Variants in TTLL9 observed in about 807,000 individuals in gnomAD.
The protein encoded by TTLL9 is probable tubulin polyglutamylase TTLL9.
A neutral mutation model predicts 65.6 loss-of-function variants in TTLL9; 47 were observed. The ratio of observed to expected loss-of-function variants is 0.72; its 90% confidence interval spans 0.57 to 0.91. The LOEUF is 0.91. TTLL9 is among the 40% of genes least tolerant of loss of function. The pLI, the probability that TTLL9 is intolerant of heterozygous loss-of-function variation, is 0.00. For missense variants in TTLL9, 537 were observed against 568.8 expected, an observed-to-expected ratio of 0.94 and a Z score of 0.57; for synonymous variants, 179 against 204.8, an observed-to-expected ratio of 0.87 and a Z score of 1.07.
chr20:31,888,860 G>A (rs990592643), intron 3 of TTLL9, among the ~76,000 whole-genome samples: 1 of 152,050 alleles, frequency 6.6e-6, no homozygotes, highest in Non-Finnish European at 1.5e-5. Flanking sequence ...TGAACTAAGT[G>A]AAAACTCACT....
intron 2 of TTLL9, among the ~76,000 whole-genome samples, chr20:31,874,546 G>C (rs2063010995): frequency 6.6e-6 from 1 of 151,946 alleles, no homozygotes; most frequent in Non-Finnish European, 1.5e-5. Context: ...AGAGCAGCTG[G>C]GACTACAGGT....
rs574288088 is a variant in TTLL9, at chr20:31,875,647, T to G, written c.69+4452T>G. ...TATTAGACTTGTTTAGATCCTACTATTATGCATTCAAAAAGAATGCTAAAC... is the reference window on the plus strand; with the variant it reads ...TATTAGACTTGTTTAGATCCTACTAGTATGCATTCAAAAAGAATGCTAAAC... On this transcript the variant is annotated intron_variant, in intron 2 of 14. Transcript: ENST00000535842. Among the ~76,000 whole-genome samples, 39 of 152,238 alleles carry G rather than the reference T, an allele frequency of 2.6e-4. 2 individuals carry two copies. Among genetic ancestry groups the G allele is most frequent in the Non-Finnish European group, 1.6e-4 (11 of 68,044 alleles).
chr20:31,937,444 G>T lies in TTLL9; in HGVS notation c.1053G>T (p.Gln351His). 14 of 1,613,888 alleles carry T rather than the reference G, an allele frequency of 8.7e-6. No homozygotes were observed. The highest frequency in any genetic ancestry group is 1.2e-5 in the Non-Finnish European group (14 of 1,179,890). ...NASPSLTASSQEDYELKTCLL... is the reference protein window; with the variant it reads ...NASPSLTASSHEDYELKTCLL... ...CCCCATCACTGACAGCCAGCAGCCAGGAAGACTATGAGCTCAAGACCTGCC... is the reference window on the plus strand; with the variant it reads ...CCCCATCACTGACAGCCAGCAGCCATGAAGACTATGAGCTCAAGACCTGCC... The change falls in exon 13 of 15, where the codon CAG (glutamine) becomes CAT (histidine). Residue 351 changes from glutamine (Q) to histidine (H), a missense_variant. Gln to His is a conservative substitution (Grantham distance 24, BLOSUM62 0). Around this residue, in one of 3 missense-constraint regions of TTLL9, gnomAD observed 205 missense variants for 225.9 expected, o/e 0.91. Transcript: ENST00000535842.
intron 3 of TTLL9, among the ~76,000 whole-genome samples, chr20:31,897,109 CCTT>C (rs2063398840): frequency 1.3e-5 from 2 of 152,156 alleles, no homozygotes; most frequent in African/African-American, 4.8e-5. Context: ...TGGTGTTAAT[CCTT>C]CTTCAAATAT....
In TTLL9 at chr20:31,894,494, A is replaced by G. The variant is rs2063354676; in HGVS notation, c.114-3979A>G. On this transcript the variant is annotated intron_variant, in intron 3 of 14. Transcript: ENST00000535842. ...ATAATAATTTTTAAATTTCTTCTCT[A>G]ATGATTCTGATAACTGGGTCATTTA... Among the ~76,000 whole-genome samples, 11 of 127,264 alleles carry G rather than the reference A, an allele frequency of 8.6e-5. No homozygotes were observed. In the South Asian group the frequency reaches 2.5e-3, roughly 29 times the overall value. The allele number at this position is 127,264 out of a possible 152,430, so 83.5% of individuals were successfully genotyped here.
Position 31,939,215 on chromosome 20 carries a change from G to A in TTLL9, c.1192G>A (p.Gly398Arg). 6.2e-7 allele frequency: 1 copy of A among 1,613,352 alleles called. No homozygotes were observed. Among genetic ancestry groups the A allele is most frequent in the Non-Finnish European group, 8.5e-7 (1 of 1,179,694 alleles). The stretch of plus-strand genomic sequence containing the variant: ...TGATGGCCCTGTTAGCAGAGAGGAG[G>A]GGGCTCCTGACCTGTCGGGAATGGG... ...WNDGPVSREE[G>R]APDLSGMGNF... The change falls in exon 14 of 15, where the codon GGG becomes AGG. Residue 398 changes from glycine (G) to arginine (R), a missense_variant. By Grantham distance (125) the Gly-to-Arg change is moderately radical. Transcript: ENST00000535842.
intron 8 of TTLL9, 60 bp downstream of exon 8, chr20:31,923,113 C>A: frequency 7.3e-7 from 1 of 1,361,366 alleles, no homozygotes; most frequent in Non-Finnish European, 1.1e-6. Context: ...AGTCAGTCAA[C>A]AAGCTTTGAC....
chr20:31,923,051 G>C lies in TTLL9; in HGVS notation c.662G>C (p.Gly221Ala). The stretch of plus-strand genomic sequence containing the variant: ...TACATTGAAAATCCTTACCTGATAG[G>C]AGGTGAGATGGCTGTGTCTGCTCCT... ...QRYIENPYLI[G>A]GRKFDLRVYV... The change falls in exon 8 of 15, where the codon GGA (glycine) becomes GCA (alanine). Residue 221 changes from glycine to alanine, a missense_variant and splice_region_variant. Gly to Ala is a moderately conservative substitution (Grantham distance 60). Transcript: ENST00000535842. The C allele has an allele frequency of 6.2e-7, 1 of 1,610,614 alleles. No homozygotes were observed. The highest frequency in any genetic ancestry group is 8.5e-7 in the Non-Finnish European group (1 of 1,176,836).
chr20:31,907,662 A>G (rs1159177345), intron 4 of TTLL9, among the ~76,000 whole-genome samples: 1 of 150,212 alleles, frequency 6.7e-6, no homozygotes, highest in Non-Finnish European at 1.5e-5. Context: ...AGGAGGTTGC[A>G]GTGAACTGAG....
intron 8 of TTLL9, among the ~76,000 whole-genome samples, chr20:31,923,669 C>G (rs1177377461): frequency 6.6e-6 from 1 of 152,162 alleles, no homozygotes; most frequent in African/African-American, 2.4e-5. Context: ...TTTCCCCAGG[C>G]GGGCCAACAT....
At position 31,943,723 on chromosome 20, in the gene TTLL9, T is replaced by C. The variant is rs1482533974; in HGVS notation, c.*702T>C. 4.4e-6 allele frequency: 2 copies of C among 456,514 alleles called. No individual in the cohort carries two copies. The highest frequency in any genetic ancestry group is 8.8e-6 in the Non-Finnish European group (2 of 226,970). 28.3% of individuals were successfully genotyped at this position (456,514 alleles called of 1,614,324 possible). ...AGCTTAGTGAGGGTCTCTGCAAAGG[T>C]GCATTTATCTAAGTCAGATGGGTGA... On this transcript the variant is annotated 3_prime_UTR_variant, in exon 15 of 15. Coordinates refer to ENST00000535842, the MANE Select transcript of TTLL9 (RefSeq NM_001008409.5).
chr20:31,876,134 A>C (rs571572743), intron 2 of TTLL9, among the ~76,000 whole-genome samples: 46 of 152,292 alleles, frequency 3.0e-4, no homozygotes, highest in African/African-American at 1.1e-3. Context: ...CATTCTTATC[A>C]CTGTATGGTA....
At chr20:31,914,824 T>C (rs929441586) in intron 6 of TTLL9, among the ~76,000 whole-genome samples, 1 of 152,194 alleles carries the variant, frequency 6.6e-6, no homozygotes, top group African/African-American at 2.4e-5. Flanking sequence ...GCTTAGTCAC[T>C]GACTGGGAGC....
intron 4 of TTLL9, among the ~76,000 whole-genome samples, chr20:31,907,787 C>T (rs2063580626): frequency 6.6e-6 from 1 of 152,056 alleles, no homozygotes; most frequent in Non-Finnish European, 1.5e-5. Context: ...TGATGGTTTC[C>T]TTCGCGGCAG....
rs1195232065 is a variant in TTLL9, at chr20:31,909,736, G to A, written c.319-1G>A. Reference sequence around the variant, plus strand: ...GGCCGCCTGTCCTTCCCGCCACCCAGCTGACCCGGAAGAACTACATGGTGA... The same window carrying A: ...GGCCGCCTGTCCTTCCCGCCACCCAACTGACCCGGAAGAACTACATGGTGA... On this transcript the variant is annotated splice_acceptor_variant, in intron 5 of 14. Transcript: ENST00000535842. LOFTEE classifies it high-confidence loss of function. 5 of 1,612,948 alleles carry A rather than the reference G, an allele frequency of 3.1e-6. No individual in the cohort carries two copies. The East Asian group carries it at 1.1e-4, about 36-fold the overall frequency.
At chr20:31,890,058 CTCTT>C (rs1363024408) in intron 3 of TTLL9, among the ~76,000 whole-genome samples, 1 of 108,322 alleles carries the variant, frequency 9.2e-6, no homozygotes, top group Non-Finnish European at 1.9e-5. Context: ...TTCTTTCTTT[CTCTT>C]TCTTTCTTGC....
intron 2 of TTLL9, among the ~76,000 whole-genome samples, chr20:31,872,781 G>A (rs1271318855): frequency 1.3e-5 from 2 of 152,214 alleles, no homozygotes; most frequent in African/African-American, 4.8e-5. Flanking sequence ...GCCCTATGAT[G>A]GGAATAGCTT....
chr20:31,926,863 T>C (rs1355907198), intron 10 of TTLL9, among the ~76,000 whole-genome samples: 4 of 152,088 alleles, frequency 2.6e-5, no homozygotes, highest in Non-Finnish European at 5.9e-5. Context: ...TCCAGCACTT[T>C]GGAGGCTGAG....
At chr20:31,936,463 C>T (rs1282352975) in intron 12 of TTLL9, among the ~76,000 whole-genome samples, 2 of 151,310 alleles carry the variant, frequency 1.3e-5, no homozygotes, top group African/African-American at 4.9e-5. Context: ...GAACTGGATT[C>T]TGACTCTTTA....
Sources: allele counts gnomAD v4.1 joint callset (sites outside exome capture counted in the v4.1 genomes callset), GRCh38; gene constraint gnomAD v4.1.1; regional missense constraint gnomAD v4.1.1; transcripts MANE v1.5; gene names NCBI Gene and HGNC (gene_info 2026-07-23, HGNC 2026-07-21).